The following TMTC2 variants were observed in gnomAD, a reference collection of about 807,000 sequenced individuals.
TMTC2 encodes the protein protein O-mannosyl-transferase TMTC2.
Under a neutral mutation model 82.4 loss-of-function variants are expected in TMTC2, and 43 were observed. The ratio of observed to expected loss-of-function variants is 0.52; its 90% CI spans 0.41 to 0.67. The LOEUF (loss-of-function observed/expected upper bound fraction) is 0.67, where lower values mean the gene tolerates loss of function less well. Among genes scored for constraint, TMTC2 ranks in the 30% least tolerant of loss-of-function variants. TMTC2 has a pLI of 0.00. For synonymous variants in TMTC2, 408 were observed against 381.9 expected, an observed-to-expected ratio of 1.07 and a Z score of -0.80; for missense variants, 919 against 1,012.4, an observed-to-expected ratio of 0.91 and a Z score of 1.25.
chr12:83,032,154 GT>G (rs1006281341), intron 9 of TMTC2, among the ~76,000 whole-genome samples: 34 of 148,724 alleles, frequency 2.3e-4, no homozygotes, highest in African/African-American at 6.4e-4. Context: ...AAAATAGGAG[GT>G]TTTTTTTTCC....
intron 1 of TMTC2, among the ~76,000 whole-genome samples, chr12:82,817,203 A>G (rs11608315): frequency 0.046 from 6,973 of 152,078 alleles, 230 homozygotes; most frequent in Middle Eastern, 0.14. Flanking sequence ...TCCTGACCTC[A>G]GTTGATCCAC....
chr12:82,749,802 ATC>A (rs1467521969), intron 1 of TMTC2, among the ~76,000 whole-genome samples: 2 of 139,206 alleles, frequency 1.4e-5, no homozygotes, highest in African/African-American at 5.5e-5. Context: ...CAGTGGTGCC[ATC>A]TCAGCTCACT....
At chr12:82,798,868 G>C (rs11115431) in intron 1 of TMTC2, among the ~76,000 whole-genome samples, 16,608 of 149,840 alleles carry the variant, frequency 0.11, 1,087 homozygotes, top group Middle Eastern at 0.24. Context: ...CTAATGAACA[G>C]CCAGAGGTAA....
chr12:83,054,588 T>TATATA (rs1318370615), intron 10 of TMTC2, among the ~76,000 whole-genome samples: 4 of 150,930 alleles, frequency 2.7e-5, no homozygotes, highest in African/African-American at 7.3e-5. Flanking sequence ...TATATATGTG[T>TATATA]ATATAATTAT....
intron 11 of TMTC2, among the ~76,000 whole-genome samples, chr12:83,082,005 A>G (rs1883489520): frequency 6.6e-6 from 1 of 152,214 alleles, no homozygotes; most frequent in Admixed American, 6.5e-5. Context: ...AATGGCTTTA[A>G]TGAAATTTTA....
At chr12:82,816,250 G>C (rs1222718364) in intron 1 of TMTC2, among the ~76,000 whole-genome samples, 3 of 150,322 alleles carry the variant, frequency 2.0e-5, no homozygotes, top group South Asian at 2.1e-4. Context: ...CAGGACATTG[G>C]GAAAACCTAA....
intron 1 of TMTC2, among the ~76,000 whole-genome samples, chr12:82,803,253 A>G (rs1171980580): frequency 6.6e-6 from 1 of 152,138 alleles, no homozygotes; most frequent in African/African-American, 2.4e-5. Context: ...ATTCTCATTG[A>G]CAAGACATTA....
At chr12:83,117,512 A>T (rs150805120) in intron 11 of TMTC2, among the ~76,000 whole-genome samples, 35 of 152,306 alleles carry the variant, frequency 2.3e-4, no homozygotes, top group African/African-American at 6.0e-4. Context: ...TCATTGATCT[A>T]TGTGCCTATT....
At chr12:83,023,111 C>T (rs1166635645) in intron 8 of TMTC2, among the ~76,000 whole-genome samples, 3 of 152,082 alleles carry the variant, frequency 2.0e-5, no homozygotes, top group Admixed American at 6.6e-5. Context: ...TCAAATTTCC[C>T]CCAGGATGTT....
chr12:82,837,200 C>T lies in TMTC2; in HGVS notation c.84-19810C>T, dbSNP rs557593384. Among the ~76,000 whole-genome samples, 9 of 152,284 alleles carry T rather than the reference C, an allele frequency of 5.9e-5. No individual in the cohort carries two copies. In the East Asian group the frequency reaches 1.7e-3, roughly 29 times the overall value. On this transcript the variant is annotated intron_variant, in intron 1 of 11. Transcript: ENST00000321196. Reference sequence around the variant, plus strand: ...TTCTTAACATGAATTATACTAGAAGCTGGCTTAGCATGGGTTTAACCATCT... The same window carrying T: ...TTCTTAACATGAATTATACTAGAAGTTGGCTTAGCATGGGTTTAACCATCT...
At chr12:82,992,814 A>G (rs765183570) in intron 8 of TMTC2, among the ~76,000 whole-genome samples, 5 of 152,094 alleles carry the variant, frequency 3.3e-5, no homozygotes, top group Non-Finnish European at 7.4e-5. Context: ...CAACTTTTGT[A>G]TGTCACTTAG....
At chr12:83,028,541 G>T (rs1881276420) in intron 8 of TMTC2, among the ~76,000 whole-genome samples, 1 of 152,094 alleles carries the variant, frequency 6.6e-6, no homozygotes, top group Non-Finnish European at 1.5e-5. Context: ...ATGAATTTGG[G>T]CAAGTGCTTA....
chr12:83,120,203 T>C (rs1398711636), intron 11 of TMTC2, among the ~76,000 whole-genome samples: 2 of 152,168 alleles, frequency 1.3e-5, no homozygotes, highest in African/African-American at 4.8e-5. Flanking sequence ...TTTGTTTTTG[T>C]TTTTTGTTTT....
chr12:82,701,589 T>TAAAAA (rs763176928), intron 1 of TMTC2, among the ~76,000 whole-genome samples: 4 of 91,898 alleles, frequency 4.4e-5, no homozygotes, highest in African/African-American at 1.7e-4. Flanking sequence ...CCGTCTTTAC[T>TAAAAA]AAAAAAAAAA....
intron 11 of TMTC2, among the ~76,000 whole-genome samples, chr12:83,094,173 C>T (rs1207131186): frequency 2.0e-5 from 3 of 152,306 alleles, no homozygotes; most frequent in African/African-American, 2.4e-5. Context: ...ATCCAACATC[C>T]GCGTATGCCC....
Position 82,967,025 on chromosome 12 carries a change from T to A in TMTC2, c.1948+28T>A, listed in dbSNP as rs533141724. 5.1e-6 allele frequency: 8 copies of A among 1,568,738 alleles called. No individual in the cohort carries two copies. In the East Asian group the frequency reaches 1.1e-4, roughly 22 times the overall value. On this transcript the variant is annotated intron_variant, in intron 7 of 11. Coordinates refer to ENST00000321196, the MANE Select transcript of TMTC2 (RefSeq NM_152588.3). ...AAGTAAAACATTAACACTTTTAAAT[T>A]GATATTTCAGGGACCTGTGGAGAAA...
chr12:82,837,371 G>A (rs778607387), intron 1 of TMTC2, among the ~76,000 whole-genome samples: 1 of 152,104 alleles, frequency 6.6e-6, no homozygotes, highest in African/African-American at 2.4e-5. Flanking sequence ...TACTTGGGAG[G>A]CTGAGGCTGG....
chr12:82,995,368 C>T (rs1435215023), intron 8 of TMTC2, among the ~76,000 whole-genome samples: 2 of 151,812 alleles, frequency 1.3e-5, no homozygotes, highest in African/African-American at 4.8e-5. Context: ...ATAAACGATG[C>T]CACATCTGTT....
At chr12:82,922,038 T>C (rs1033915138) in intron 3 of TMTC2, among the ~76,000 whole-genome samples, 3 of 151,590 alleles carry the variant, frequency 2.0e-5, no homozygotes, top group Non-Finnish European at 4.4e-5. Flanking sequence ...GCCCAAGAGG[T>C]TGAGGCTGCA....
Sources: allele counts gnomAD v4.1 joint callset (sites outside exome capture counted in the v4.1 genomes callset), GRCh38; gene constraint gnomAD v4.1.1; transcripts MANE v1.5; gene names NCBI Gene and HGNC (gene_info 2026-07-23, HGNC 2026-07-21).